Variants in MAPK10 observed in about 807,000 individuals in gnomAD.
MAPK10 encodes the protein JNK3 alpha protein kinase.
Under a neutral mutation model 59.3 loss-of-function variants are expected in MAPK10, and 25 were observed. The observed-to-expected ratio is 0.42, with a 90% CI of 0.31 to 0.59. The LOEUF is 0.59. Among genes scored for constraint, MAPK10 ranks in the 20% least tolerant of loss-of-function variants. The pLI is 0.15. For synonymous variants in MAPK10, 190 were observed against 200.5 expected (o/e 0.95, Z 0.44); for missense variants, 351 against 568.9 (o/e 0.62, Z 3.90).
At chr4:86,276,291 T>G (rs1240198993) in intron 2 of MAPK10, among the ~76,000 whole-genome samples, 1 of 152,144 alleles carries the variant, frequency 6.6e-6, no homozygotes, top group African/African-American at 2.4e-5. Context: ...GACCACTAGC[T>G]GTTTCAAATT....
At chr4:86,239,537 G>A (rs562904536) in intron 2 of MAPK10, among the ~76,000 whole-genome samples, 2 of 152,176 alleles carry the variant, frequency 1.3e-5, no homozygotes, top group African/African-American at 4.8e-5. Context: ...CTTGTTATTG[G>A]TCTGCTCAGG....
intron 1 of MAPK10, among the ~76,000 whole-genome samples, chr4:86,470,382 G>A (rs1752561805): frequency 6.6e-6 from 1 of 152,108 alleles, no homozygotes; most frequent in Non-Finnish European, 1.5e-5. Flanking sequence ...ATACAAGATT[G>A]TGTTTTTATT....
intron 3 of MAPK10, among the ~76,000 whole-genome samples, chr4:86,167,665 C>T (rs888113176): frequency 3.9e-5 from 6 of 152,198 alleles, no homozygotes; most frequent in Non-Finnish European, 7.3e-5. Flanking sequence ...TAAAATTCAA[C>T]ATCCCTTCAT....
chr4:86,322,275 T>C (rs2095912968), intron 2 of MAPK10, among the ~76,000 whole-genome samples: 1 of 152,224 alleles, frequency 6.6e-6, no homozygotes, highest in African/African-American at 2.4e-5. Flanking sequence ...ATTTCTTTTC[T>C]GCATCAGCTT....
chr4:86,517,401 G>A (rs957076334), intron 1 of MAPK10, among the ~76,000 whole-genome samples: 10 of 149,886 alleles, frequency 6.7e-5, no homozygotes, highest in Middle Eastern at 3.5e-3. Flanking sequence ...TCAGCTTCGC[G>A]AGTAGCTGAG....
At chr4:86,587,650 T>C (rs182291526) in intron 1 of MAPK10, among the ~76,000 whole-genome samples, 169 of 152,240 alleles carry the variant, frequency 1.1e-3, no homozygotes, top group African/African-American at 3.7e-3. Context: ...AACACTAACA[T>C]AGTTGGTACA....
At chr4:86,570,231 G>T (rs1761354684) in intron 1 of MAPK10, among the ~76,000 whole-genome samples, 1 of 152,148 alleles carries the variant, frequency 6.6e-6, no homozygotes. Flanking sequence ...TCCAGGCTCA[G>T]CAAACTACAC....
intron 1 of MAPK10, among the ~76,000 whole-genome samples, chr4:86,390,465 GC>G (rs1237669652): frequency 2.0e-5 from 3 of 152,172 alleles, no homozygotes; most frequent in African/African-American, 7.2e-5. Context: ...AGCAACTTGG[GC>G]AGGATGCTAC....
At chr4:86,367,437 T>A (rs1191241005) in intron 1 of MAPK10, among the ~76,000 whole-genome samples, 1 of 152,060 alleles carries the variant, frequency 6.6e-6, no homozygotes, top group Non-Finnish European at 1.5e-5. Context: ...ATTCCACAGT[T>A]CAAAAGTTTC....
At chr4:86,483,719 TTGGAATATCAAAAC>T (rs1389324641) in intron 1 of MAPK10, among the ~76,000 whole-genome samples, 1 of 152,132 alleles carries the variant, frequency 6.6e-6, no homozygotes, top group Non-Finnish European at 1.5e-5. Flanking sequence ...CTGCTAAGTC[TTGGAATATCAAAAC>T]TAAAGTCTCT....
intron 1 of MAPK10, among the ~76,000 whole-genome samples, chr4:86,465,836 C>T (rs531541678): frequency 3.3e-5 from 5 of 152,232 alleles, no homozygotes; most frequent in East Asian, 1.9e-4. Context: ...CCAGCTGTCA[C>T]GAGCAGCACC....
chr4:86,261,406 C>G (rs1223602447), intron 2 of MAPK10, among the ~76,000 whole-genome samples: 2 of 152,150 alleles, frequency 1.3e-5, no homozygotes, highest in South Asian at 2.1e-4. Context: ...CTGTCACGTG[C>G]CTTTTTAAAC....
chr4:86,321,682 A>T (rs2095896186), intron 2 of MAPK10, among the ~76,000 whole-genome samples: 1 of 151,692 alleles, frequency 6.6e-6, no homozygotes, highest in Admixed American at 6.6e-5. Flanking sequence ...ACATGTATAC[A>T]TATGTAACTA....
Position 86,359,906 on chromosome 4 carries a change from AG to A in MAPK10, c.-371del. 1 of 985,746 alleles carries A rather than the reference AG, an allele frequency of 1.0e-6. No individual in the cohort carries two copies. Among genetic ancestry groups the A allele is most frequent in the Non-Finnish European group, 1.2e-6 (1 of 829,916 alleles). The allele number at this position is 985,746 out of a possible 1,614,324, so 61.1% of individuals were successfully genotyped here. A position where few individuals can be genotyped will look rare whatever the true frequency, so the allele number is the denominator to read the frequency against. On this transcript the variant is annotated 5_prime_UTR_variant, in exon 1 of 14. The change creates a premature stop within an existing upstream ORF in the 5' untranslated region. Coordinates refer to ENST00000641462, the MANE Select transcript of MAPK10 (RefSeq NM_138982.4). ...GTAAAAATGAAAAAAGAAAAGAAAA[AG>A]GTAAGCATATAGCAAGCACCACCCA... is the stretch of plus-strand genomic sequence containing the variant.
At chr4:86,077,078 T>A (rs2049649710) in intron 9 of MAPK10, among the ~76,000 whole-genome samples, 1 of 152,168 alleles carries the variant, frequency 6.6e-6, no homozygotes, top group South Asian at 2.1e-4. Flanking sequence ...CCTGATATAA[T>A]TCTAAATTGA....
intron 1 of MAPK10, among the ~76,000 whole-genome samples, chr4:86,410,797 C>A (rs770702782): frequency 6.6e-6 from 1 of 152,010 alleles, no homozygotes; most frequent in African/African-American, 2.4e-5. Context: ...TATCTCTTTT[C>A]TTCTTTATTA....
chr4:86,378,878 A>T (rs1740233358), intron 1 of MAPK10, among the ~76,000 whole-genome samples: 1 of 152,220 alleles, frequency 6.6e-6, no homozygotes, highest in African/African-American at 2.4e-5. Context: ...TACAAACTGT[A>T]AAGAGAAATA....
intron 11 of MAPK10, among the ~76,000 whole-genome samples, chr4:86,042,998 G>A (rs1251716356): frequency 2.6e-5 from 4 of 152,132 alleles, no homozygotes; most frequent in Admixed American, 1.3e-4. Flanking sequence ...GAATTGGAAG[G>A]AGGAAGCATA....
intron 2 of MAPK10, among the ~76,000 whole-genome samples, chr4:86,322,514 T>G (rs192025228): frequency 5.1e-4 from 78 of 152,316 alleles, no homozygotes; most frequent in African/African-American, 1.7e-3. Context: ...TGCTCAAGTC[T>G]GACCTCTTTG....
Sources: gnomAD v4.1 joint callset for allele counts (sites outside exome capture counted in the v4.1 genomes callset) on GRCh38, gnomAD v4.1.1 for gene constraint, MANE v1.5 for transcripts, NCBI Gene and HGNC (gene_info 2026-07-23, HGNC 2026-07-21) for gene names.